The following STRA8 variants were observed in gnomAD, a reference collection of about 807,000 sequenced individuals.
STRA8 encodes the protein stimulated by retinoic acid 8.
Under a neutral mutation model 37.1 loss-of-function variants are expected in STRA8, and 18 were observed. The ratio of observed to expected loss-of-function variants is 0.48; its 90% CI spans 0.34 to 0.72. The LOEUF (loss-of-function observed/expected upper bound fraction) is 0.72. Ranked by LOEUF, STRA8 falls within the 30% of genes least tolerant of loss-of-function variation. The probability of loss-of-function intolerance (pLI) is 0.01; values close to 1 mark genes in which losing one functional copy is unlikely to be tolerated. For synonymous variants in STRA8, 168 were observed against 162.9 expected, an observed-to-expected ratio of 1.03 and a Z score of -0.24; for missense variants, 357 against 410.4, an observed-to-expected ratio of 0.87 and a Z score of 1.13.
intron 1 of STRA8, among the ~76,000 whole-genome samples, chr7:135,238,283 G>A (rs972946870): frequency 6.6e-6 from 1 of 152,208 alleles, no homozygotes; most frequent in African/African-American, 2.4e-5. Flanking sequence ...GCTCCAGGCA[G>A]CTTGGCCAGC....
Position 135,246,603 on chromosome 7 carries a change from G to C in STRA8, c.780G>C (p.Ala260=). Reference sequence around the variant, plus strand: ...AGCACCGCGGCCCTGCGACCCTGGCGGAGGCCTGCCGAGAGCCGGCCTGTG... The same window carrying C: ...AGCACCGCGGCCCTGCGACCCTGGCCGAGGCCTGCCGAGAGCCGGCCTGTG... The part of the protein sequence containing the change: ...AQKHRGPATL[A]EACREPACAE... The change falls in exon 6 of 9, where the codon GCG becomes GCC. Residue 260 remains alanine (A), a synonymous_variant. Transcript: ENST00000662584. This position sits in a 1 kb window ranked among gnomAD's most constrained non-coding sequence, Gnocchi z 5.4. 6.5e-7 allele frequency: 1 copy of C among 1,538,434 alleles called. No homozygotes were observed. The highest frequency in any genetic ancestry group is 1.2e-5 in the South Asian group (1 of 83,860).
chr7:135,245,839 A>G (rs372335978), intron 5 of STRA8, among the ~76,000 whole-genome samples: 31 of 152,222 alleles, frequency 2.0e-4, no homozygotes, highest in East Asian at 1.9e-3. Flanking sequence ...GGTGATTATG[A>G]GGGCTAACCC....
At chr7:135,233,563 GC>G (rs1832322928), upstream of STRA8, among the ~76,000 whole-genome samples, 1 of 152,148 alleles carries the variant, frequency 6.6e-6, no homozygotes, top group Non-Finnish European at 1.5e-5. Context: ...GCTGTGTGGA[GC>G]CCCCGAGCTG....
chr7:135,237,596 T>C lies in STRA8; in HGVS notation c.-6-2923T>C, dbSNP rs558264384. On this transcript the variant is annotated intron_variant, in intron 1 of 8. Coordinates refer to ENST00000662584, the MANE Select transcript of STRA8 (RefSeq NM_001394401.1). ...GGACAGACCCAAGTGTATTATTAGA[T>C]AAAAAGAGCTCTGTCCACCGGGCGT... Among the ~76,000 whole-genome samples, 7 of 152,110 alleles carry C rather than the reference T, an allele frequency of 4.6e-5. No individual in the cohort carries two copies. The East Asian group carries it at 1.2e-3, about 25-fold the overall frequency.
chr7:135,242,181 G>A (rs1421776663), intron 2 of STRA8, among the ~76,000 whole-genome samples: 5 of 120,506 alleles, frequency 4.1e-5, no homozygotes, highest in African/African-American at 1.6e-4. Flanking sequence ...AAGGAAGGAA[G>A]TTGGAAGGAA....
chr7:135,250,325 G>A (rs1242827225), intron 6 of STRA8, among the ~76,000 whole-genome samples: 1 of 152,164 alleles, frequency 6.6e-6, no homozygotes, highest in African/African-American at 2.4e-5. Flanking sequence ...CTTAAGGACA[G>A]GGATTTCAGT....
At chr7:135,248,416 G>A (rs1028478471) in intron 6 of STRA8, among the ~76,000 whole-genome samples, 1 of 151,756 alleles carries the variant, frequency 6.6e-6, no homozygotes. Context: ...TTAAAGTCAG[G>A]TGCCTGGCTG....
At chr7:135,244,293 A>G (rs1385972738) in intron 4 of STRA8, among the ~76,000 whole-genome samples, 2 of 152,196 alleles carry the variant, frequency 1.3e-5, no homozygotes, top group Non-Finnish European at 2.9e-5. Flanking sequence ...TCTGACCTCA[A>G]GGTATCTACC....
intron 8 of STRA8, among the ~76,000 whole-genome samples, chr7:135,258,090 G>A (rs1048992541): frequency 5.3e-5 from 8 of 152,230 alleles, no homozygotes; most frequent in Admixed American, 3.9e-4. Flanking sequence ...GCAGTGCACC[G>A]TCTTCTATTG....
At chr7:135,249,135 C>CTA (rs1194102068) in intron 6 of STRA8, among the ~76,000 whole-genome samples, 2 of 152,150 alleles carry the variant, frequency 1.3e-5, no homozygotes, top group African/African-American at 2.4e-5. Flanking sequence ...AACAGACCAC[C>CTA]TATACAATGG....
chr7:135,253,237 G>A (rs138523710), intron 7 of STRA8, among the ~76,000 whole-genome samples: 3 of 152,136 alleles, frequency 2.0e-5, no homozygotes, highest in African/African-American at 7.2e-5. Context: ...CCTGGCTCTG[G>A]GGCCTGTTTT....
intron 6 of STRA8, among the ~76,000 whole-genome samples, chr7:135,250,716 TTAAAG>T (rs1697471380): frequency 6.6e-6 from 1 of 152,232 alleles, no homozygotes; most frequent in Admixed American, 6.5e-5. Context: ...GAGATGTCAG[TTAAAG>T]TAAAGCATGC....
chr7:135,256,725 A>G (rs1832708351), intron 8 of STRA8, among the ~76,000 whole-genome samples: 1 of 152,206 alleles, frequency 6.6e-6, no homozygotes, highest in Non-Finnish European at 1.5e-5. Context: ...GGATTGTTTG[A>G]GCCTACAAGG....
At chr7:135,247,414 T>C (rs1197963913) in intron 6 of STRA8, among the ~76,000 whole-genome samples, 3 of 152,116 alleles carry the variant, frequency 2.0e-5, no homozygotes, top group African/African-American at 7.2e-5. Flanking sequence ...TTCCCTGCCC[T>C]CCCCACCTCC....
rs1562974610 is a variant in STRA8, at chr7:135,255,243, G to A, written c.1065+18G>A. On this transcript the variant is annotated intron_variant, in intron 8 of 8. Coordinates refer to ENST00000662584, the MANE Select transcript of STRA8 (RefSeq NM_001394401.1). ...TAAAGCAGGTAGGATGGAGTAGAGG[G>A]CCGTGGTACCTCTGCCCACCTTGCT... The A allele has an allele frequency of 1.3e-6, 2 of 1,578,262 alleles. No homozygotes were observed. Among genetic ancestry groups the A allele is most frequent in the East Asian group, 2.2e-5 (1 of 44,692 alleles).
rs1184273342 is a variant in STRA8, at chr7:135,251,834, G to A, written c.918G>A (p.Leu306=). 2 of 1,614,152 alleles carry A rather than the reference G, an allele frequency of 1.2e-6. No homozygotes were observed. Among genetic ancestry groups the A allele is most frequent in the Admixed American group, 1.7e-5 (1 of 60,020 alleles). Residue 306 remains leucine (L), a synonymous_variant, in exon 7 of 9, where the codon CTG becomes CTA. Transcript: ENST00000662584. ...FEDAFDVASF[L]DKSEVPSTSS... ...ATGCCTTTGATGTGGCAAGCTTCCT[G>A]GACAAAAGTGAGGTTCCGAGTACAT... is the stretch of plus-strand genomic sequence containing the variant.
chr7:135,234,677 T>A (rs550064510), intron 1 of STRA8, among the ~76,000 whole-genome samples: 2 of 152,296 alleles, frequency 1.3e-5, no homozygotes, highest in South Asian at 4.1e-4. Context: ...TAGGAAAATA[T>A]GTGGTAATGA....
chr7:135,245,558 C>T (rs950771861), intron 5 of STRA8, among the ~76,000 whole-genome samples, 31 bp downstream of exon 5: 14 of 152,162 alleles, frequency 9.2e-5, no homozygotes, highest in Admixed American at 8.5e-4. Context: ...TGGCTCTGTG[C>T]ACCCATGGAG....
In STRA8 at chr7:135,246,853, T is replaced by TC. The variant is rs1832567167; in HGVS notation, c.879+151_879+152insC. ...TTTCTGATTTTCTTTTTTCTCTTTT[T>TC]TTTTTTTTTGAGACGGAGTCTCGCT... is the stretch of plus-strand genomic sequence containing the variant. On this transcript the variant is annotated intron_variant, in intron 6 of 8. Transcript: ENST00000662584. This position sits in a 1 kb window ranked among gnomAD's most constrained non-coding sequence, Gnocchi z 5.4. 1 of 848,348 alleles carries TC rather than the reference T, an allele frequency of 1.2e-6. No individual in the cohort carries two copies. The allele number at this position is 848,348 out of a possible 1,614,324, so 52.6% of individuals were successfully genotyped here. A position where few individuals can be genotyped will look rare whatever the true frequency, so the allele number is the denominator to read the frequency against.
Sources: allele counts gnomAD v4.1 joint callset (sites outside exome capture counted in the v4.1 genomes callset), GRCh38; gene constraint gnomAD v4.1.1; non-coding constraint Gnocchi (gnomAD v3.1); transcripts MANE v1.5; gene names NCBI Gene and HGNC (gene_info 2026-07-23, HGNC 2026-07-21).